GRID2: variants seen among roughly 807,000 people sequenced by gnomAD.
GRID2 encodes glutamate receptor ionotropic, delta-2.
GRID2 carries 33 observed loss-of-function variants against 114.8 expected under a neutral mutation model. That is an observed-to-expected ratio of 0.29 (90% CI 0.22 to 0.38). The LOEUF (loss-of-function observed/expected upper bound fraction) is 0.38. Among genes scored for constraint, GRID2 ranks in the 10% least tolerant of loss-of-function variants. GRID2 has a pLI of 1.00. For synonymous variants in GRID2, 505 were observed against 449.9 expected (o/e 1.12, Z -1.55); for missense variants, 1,184 against 1,257.7 (o/e 0.94, Z 0.89).
intron 2 of GRID2, among the ~76,000 whole-genome samples, chr4:92,740,722 A>G (rs867345765): frequency 4.3e-5 from 6 of 140,148 alleles, no homozygotes; most frequent in Non-Finnish European, 6.2e-5. Flanking sequence ...ATAGATAGAT[A>G]GATAGATAGA....
chr4:92,774,176 C>T (rs189020319), intron 2 of GRID2, among the ~76,000 whole-genome samples: 109 of 152,176 alleles, frequency 7.2e-4, no homozygotes, highest in African/African-American at 2.6e-3. Flanking sequence ...TCACTTTAAG[C>T]TCAGAGTGAA....
At chr4:93,280,984 C>T (rs1752586862) in intron 8 of GRID2, among the ~76,000 whole-genome samples, 1 of 151,864 alleles carries the variant, frequency 6.6e-6, no homozygotes, top group Admixed American at 6.6e-5. Context: ...ATGTGGTTTA[C>T]ATTCAGGTGA....
intron 8 of GRID2, chr4:93,302,641 CA>C (rs1221385069): frequency 4.4e-6 from 2 of 454,762 alleles, no homozygotes; most frequent in Admixed American, 4.7e-5. Flanking sequence ...TGTACACTTG[CA>C]AAGGTAAGTA....
chr4:93,487,480 A>G (rs4371584), intron 11 of GRID2, among the ~76,000 whole-genome samples: 13 of 151,730 alleles, frequency 8.6e-5, no homozygotes, highest in Admixed American at 3.3e-4. Flanking sequence ...GAGTATTTTT[A>G]TTATCATCCT....
At chr4:92,718,584 A>G (rs1735658170) in intron 2 of GRID2, among the ~76,000 whole-genome samples, 1 of 151,904 alleles carries the variant, frequency 6.6e-6, no homozygotes, top group Admixed American at 6.6e-5. Flanking sequence ...GGCAACATAG[A>G]GAGACCCCGT....
At chr4:93,611,643 C>G (rs1260102049) in intron 13 of GRID2, among the ~76,000 whole-genome samples, 2 of 125,992 alleles carry the variant, frequency 1.6e-5, no homozygotes, top group East Asian at 4.8e-4. Context: ...GATTCTTAAT[C>G]CTGAGTTCTA....
intron 8 of GRID2, among the ~76,000 whole-genome samples, chr4:93,328,466 G>A (rs1420440799): frequency 2.6e-5 from 4 of 151,994 alleles, no homozygotes; most frequent in Non-Finnish European, 5.9e-5. Context: ...ATCTTTTAGG[G>A]GCATTTCCTT....
chr4:93,585,217 C>T (rs767256470), intron 13 of GRID2, among the ~76,000 whole-genome samples: 5 of 152,026 alleles, frequency 3.3e-5, no homozygotes, highest in Non-Finnish European at 7.4e-5. Flanking sequence ...TGTGTTTCAC[C>T]TCCTGTTACG....
At chr4:92,751,136 T>A (rs1458920159) in intron 2 of GRID2, among the ~76,000 whole-genome samples, 1 of 152,100 alleles carries the variant, frequency 6.6e-6, no homozygotes, top group Non-Finnish European at 1.5e-5. Flanking sequence ...GCGTAAATAA[T>A]CAAATGCAGT....
intron 10 of GRID2, among the ~76,000 whole-genome samples, chr4:93,447,236 A>C (rs1052399765): frequency 2.0e-5 from 3 of 152,024 alleles, no homozygotes; most frequent in East Asian, 1.9e-4. Context: ...AAACGTGTTC[A>C]TCTTTAAACT....
intron 14 of GRID2, among the ~76,000 whole-genome samples, chr4:93,767,420 T>G (rs1307762522): frequency 6.6e-6 from 1 of 152,194 alleles, no homozygotes; most frequent in Admixed American, 6.5e-5. Context: ...CATAATCATT[T>G]TAGTAAATTC....
intron 2 of GRID2, among the ~76,000 whole-genome samples, chr4:92,915,572 T>A (rs1282961399): frequency 6.6e-6 from 1 of 152,110 alleles, no homozygotes. Context: ...CATATCAGGG[T>A]AGTACCCAGA....
intron 3 of GRID2, among the ~76,000 whole-genome samples, chr4:93,095,486 C>T (rs879279844): frequency 6.6e-6 from 1 of 151,946 alleles, no homozygotes; most frequent in South Asian, 2.1e-4. Context: ...AAGAATAAAA[C>T]ACAAAGAATT....
chr4:92,429,107 C>T (rs1372083228), intron 1 of GRID2, among the ~76,000 whole-genome samples: 1 of 152,078 alleles, frequency 6.6e-6, no homozygotes, highest in Non-Finnish European at 1.5e-5. Context: ...TGAGAACATG[C>T]TGTGTTTGGT....
intron 2 of GRID2, among the ~76,000 whole-genome samples, chr4:93,044,758 A>C (rs1725966306): frequency 6.6e-6 from 1 of 152,152 alleles, no homozygotes; most frequent in Non-Finnish European, 1.5e-5. Context: ...TGATAACCTC[A>C]TGGCCTGGAA....
chr4:92,523,738 GAA>G (rs1218548795), intron 1 of GRID2, among the ~76,000 whole-genome samples: 1 of 152,058 alleles, frequency 6.6e-6, no homozygotes, highest in African/African-American at 2.4e-5. Context: ...GGTGGAAGTA[GAA>G]GGACACAGAA....
At chr4:93,131,315 A>G (rs771637512) in intron 4 of GRID2, among the ~76,000 whole-genome samples, 51 of 151,320 alleles carry the variant, frequency 3.4e-4, no homozygotes, top group Non-Finnish European at 6.3e-4. Flanking sequence ...TTCCATGCCC[A>G]GCTAATTTTT....
At chr4:92,908,679 C>T (rs935993070) in intron 2 of GRID2, among the ~76,000 whole-genome samples, 16 of 151,742 alleles carry the variant, frequency 1.1e-4, no homozygotes, top group Admixed American at 4.6e-4. Flanking sequence ...TTCTAAACAG[C>T]ATGTTATAGA....
chr4:92,774,902 T>C (rs1280347157), intron 2 of GRID2, among the ~76,000 whole-genome samples: 2 of 152,156 alleles, frequency 1.3e-5, no homozygotes, highest in African/African-American at 4.8e-5. Context: ...TTTAGTTTGA[T>C]TTGATCTATT....
Sources: gnomAD v4.1 joint callset for allele counts (sites outside exome capture counted in the v4.1 genomes callset) on GRCh38, gnomAD v4.1.1 for gene constraint, MANE v1.5 for transcripts, NCBI Gene and HGNC (gene_info 2026-07-23, HGNC 2026-07-21) for gene names.